SOCS2: variants seen among roughly 807,000 people sequenced by gnomAD.
SOCS2 encodes suppressor of cytokine signaling 2.
In SOCS2, 10 loss-of-function variants were observed where a neutral mutation model predicts 18.6. That is an observed-to-expected ratio of 0.54 (90% CI 0.33 to 0.91). SOCS2 has a LOEUF of 0.91. SOCS2 is among the 40% of genes least tolerant of loss of function. The pLI, the probability that SOCS2 is intolerant of heterozygous loss-of-function variation, is 0.02. For missense variants in SOCS2, 231 were observed against 247.2 expected (o/e 0.93, Z 0.44); for synonymous variants, 104 against 104.0 (o/e 1.00, Z 0.00).
At chr12:93,585,063 A>G (rs1380821296), downstream of SOCS2, among the ~76,000 whole-genome samples, 2 of 152,032 alleles carry the variant, frequency 1.3e-5, no homozygotes, top group African/African-American at 4.8e-5. Context: ...ACGCCTGGCC[A>G]TTCCTCCCTT....
chr12:93,575,182 G>T lies in SOCS2; in HGVS notation c.*3G>T. On this transcript the variant is annotated 3_prime_UTR_variant, in exon 2 of 2. Coordinates refer to ENST00000551556, the MANE Select transcript of SOCS2 (RefSeq NM_001270471.2). ...AAGAATATAAATTCCAGGTATAAAT[G>T]TTTCTCTTTTTTTAAACATGTCTCA... The T allele has an allele frequency of 6.5e-7, 1 of 1,527,284 alleles. No homozygotes were observed. The highest frequency in any genetic ancestry group is 8.8e-7 in the Non-Finnish European group (1 of 1,141,334). The allele number at this position is 1,527,284 out of a possible 1,614,324, so 94.6% of individuals were successfully genotyped here. A position where few individuals can be genotyped will look rare whatever the true frequency, so the allele number is the denominator to read the frequency against.
the SOCS2 span, among the ~76,000 whole-genome samples, chr12:93,625,827 T>A: frequency 6.6e-6 from 1 of 151,932 alleles, no homozygotes; most frequent in East Asian, 1.9e-4. Context: ...GAAACTGCTC[T>A]CTTAGCACAT....
At chr12:93,598,718 TTATC>T in the SOCS2 span, among the ~76,000 whole-genome samples, 4 of 151,988 alleles carry the variant, frequency 2.6e-5, no homozygotes, top group East Asian at 3.8e-4. Flanking sequence ...CAAATTTTCT[TTATC>T]TATTAATTTA....
the SOCS2 span, among the ~76,000 whole-genome samples, chr12:93,614,946 A>G: frequency 1.3e-5 from 2 of 151,884 alleles, no homozygotes; most frequent in Non-Finnish European, 2.9e-5. Context: ...TTTAAAAAAA[A>G]AAAAAAAAGA....
At chr12:93,621,083 C>T in the SOCS2 span, among the ~76,000 whole-genome samples, 5 of 152,178 alleles carry the variant, frequency 3.3e-5, no homozygotes, top group South Asian at 4.1e-4. Context: ...TGTCCTTTGG[C>T]GACCAAGAGC....
the SOCS2 span, among the ~76,000 whole-genome samples, chr12:93,624,568 TAAA>T: frequency 1.3e-3 from 193 of 143,970 alleles, no homozygotes; most frequent in African/African-American, 4.6e-3. Context: ...AGACTCCATC[TAAA>T]AAAAAAAAAA....
chr12:93,620,657 A>C, the SOCS2 span, among the ~76,000 whole-genome samples: 1 of 150,626 alleles, frequency 6.6e-6, no homozygotes, highest in African/African-American at 2.4e-5. Flanking sequence ...CAGGTGATCC[A>C]CCCGCCTCAG....
chr12:93,590,949 ACTTTTT>A, the SOCS2 span, among the ~76,000 whole-genome samples: 2 of 152,020 alleles, frequency 1.3e-5, no homozygotes, highest in Admixed American at 6.6e-5. Flanking sequence ...ATGATGAGTT[ACTTTTT>A]CTTTAAACTT....
At chr12:93,596,719 T>C in the SOCS2 span, among the ~76,000 whole-genome samples, 1 of 152,168 alleles carries the variant, frequency 6.6e-6, no homozygotes, top group Non-Finnish European at 1.5e-5. Context: ...TCTCAGCTAC[T>C]TGAGAGGCTG....
At chr12:93,624,416 C>CA in the SOCS2 span, among the ~76,000 whole-genome samples, 1 of 152,026 alleles carries the variant, frequency 6.6e-6, no homozygotes, top group Non-Finnish European at 1.5e-5. Context: ...ACTTAAAATA[C>CA]AAAAAATTAG....
chr12:93,619,819 T>C, the SOCS2 span, among the ~76,000 whole-genome samples: 3 of 152,204 alleles, frequency 2.0e-5, no homozygotes, highest in African/African-American at 7.2e-5. Context: ...GAATGCTCTA[T>C]AGCCTGCCTA....
the SOCS2 span, among the ~76,000 whole-genome samples, chr12:93,606,080 T>C: frequency 1.3e-5 from 2 of 152,362 alleles, no homozygotes; most frequent in South Asian, 4.1e-4. Flanking sequence ...GTTGCTCTGC[T>C]CTTCCTAGAG....
chr12:93,623,286 C>G, the SOCS2 span, among the ~76,000 whole-genome samples: 37 of 152,248 alleles, frequency 2.4e-4, no homozygotes, highest in Non-Finnish European at 4.3e-4. Context: ...GCCTTGCTTC[C>G]CCTTCACCTG....
rs1367170876 is a variant in SOCS2, at chr12:93,575,265, A to G, written c.*86A>G. On this transcript the variant is annotated 3_prime_UTR_variant, in exon 2 of 2. Transcript: ENST00000551556. Reference sequence around the variant, plus strand: ...GAGAACCAAAACTTGAGTGCTCTGGATAACTATATGGAATGCTTTCTAAGA... The same window carrying G: ...GAGAACCAAAACTTGAGTGCTCTGGGTAACTATATGGAATGCTTTCTAAGA... 5.6e-6 allele frequency: 5 copies of G among 894,460 alleles called. No homozygotes were observed. The African/African-American group carries it at 8.5e-5, about 15-fold the overall frequency. The allele number at this position is 894,460 out of a possible 1,614,324, so 55.4% of individuals were successfully genotyped here. A position where few individuals can be genotyped will look rare whatever the true frequency, so the allele number is the denominator to read the frequency against.
In SOCS2 at chr12:93,576,427, A is replaced by G. The variant is rs2136705598; in HGVS notation, c.*1248A>G. On this transcript the variant is annotated 3_prime_UTR_variant, in exon 2 of 2. Transcript: ENST00000551556. ...TGGCCGGGTCTTTTATAATTTGAAT[A>G]GGCATAACACTGATGTCCTCTGTGT... The G allele has an allele frequency of 6.6e-6, 1 of 152,378 alleles. No individual in the cohort carries two copies. Among genetic ancestry groups the G allele is most frequent in the South Asian group, 2.1e-4 (1 of 4,834 alleles). The allele number at this position is 152,378 out of a possible 1,614,324, so 9.4% of individuals were successfully genotyped here.
intron 1 of SOCS2, 100 bp downstream of exon 1, chr12:93,573,136 A>C: frequency 7.0e-7 from 1 of 1,423,078 alleles, no homozygotes; most frequent in Non-Finnish European, 9.5e-7. Flanking sequence ...ATAAGATGGA[A>C]ATACGTCCCT....
At chr12:93,614,574 T>C in the SOCS2 span, among the ~76,000 whole-genome samples, 4 of 82,224 alleles carry the variant, frequency 4.9e-5, no homozygotes, top group African/African-American at 1.2e-4. Flanking sequence ...TTTCTTTCTT[T>C]CTTTCTTTCT....
the SOCS2 span, among the ~76,000 whole-genome samples, chr12:93,591,133 C>T: frequency 6.6e-6 from 1 of 151,728 alleles, no homozygotes; most frequent in African/African-American, 2.4e-5. Context: ...GAAGTAGTTA[C>T]GTTACAGACC....
chr12:93,573,223 G>A (rs778919083), intron 1 of SOCS2, 187 bp downstream of exon 1: 42 of 724,994 alleles, frequency 5.8e-5, no homozygotes, highest in Non-Finnish European at 8.7e-5. Flanking sequence ...TGGTTCTCCA[G>A]GGACTCAGGC....
Sources: allele counts gnomAD v4.1 joint callset (sites outside exome capture counted in the v4.1 genomes callset), GRCh38; gene constraint gnomAD v4.1.1; transcripts MANE v1.5; gene names NCBI Gene and HGNC (gene_info 2026-07-23, HGNC 2026-07-21).